Variants in EFR3A observed in about 807,000 individuals in gnomAD.
EFR3A encodes the protein protein EFR3 homolog A.
Under a neutral mutation model 104.4 loss-of-function variants are expected in EFR3A, and 76 were observed. The observed-to-expected ratio is 0.73, with a 90% CI of 0.60 to 0.88. The LOEUF is 0.88. Among genes scored for constraint, EFR3A ranks in the 40% least tolerant of loss-of-function variants. EFR3A has a pLI of 0.00. For synonymous variants in EFR3A, 330 were observed against 330.0 expected, an observed-to-expected ratio of 1.00 and a Z score of 0.00; for missense variants, 985 against 1,012.5, an observed-to-expected ratio of 0.97 and a Z score of 0.37.
chr8:131,932,220 T>C (rs987111242), intron 1 of EFR3A, among the ~76,000 whole-genome samples: 1 of 152,108 alleles, frequency 6.6e-6, no homozygotes, highest in East Asian at 1.9e-4. Flanking sequence ...TGAGAATTTT[T>C]CTGTTTTGTA....
At chr8:131,935,586 A>G (rs866026326) in intron 1 of EFR3A, 5 of 411,368 alleles carry the variant, frequency 1.2e-5, no homozygotes, top group Middle Eastern at 3.5e-4. Context: ...GAATTGCTAC[A>G]TAGAAGGTGT....
At chr8:131,943,443 G>A (rs1304800567) in intron 2 of EFR3A, among the ~76,000 whole-genome samples, 1 of 151,928 alleles carries the variant, frequency 6.6e-6, no homozygotes, top group African/African-American at 2.4e-5. Context: ...CAGAGGGAGA[G>A]GTCAAAGAAC....
At chr8:131,929,191 G>C (rs1817458350) in intron 1 of EFR3A, among the ~76,000 whole-genome samples, 1 of 152,148 alleles carries the variant, frequency 6.6e-6, no homozygotes, top group African/African-American at 2.4e-5. Flanking sequence ...TTACCCCAGA[G>C]TGTATCCTCT....
At chr8:131,995,498 G>A (rs1361973960) in intron 18 of EFR3A, among the ~76,000 whole-genome samples, 4 of 152,150 alleles carry the variant, frequency 2.6e-5, no homozygotes, top group Non-Finnish European at 5.9e-5. Flanking sequence ...GTTGAGTATT[G>A]AATGCTAAAG....
At chr8:131,937,795 T>C (rs1335686409) in intron 1 of EFR3A, among the ~76,000 whole-genome samples, 3 of 136,590 alleles carry the variant, frequency 2.2e-5, no homozygotes, top group Non-Finnish European at 1.6e-5. Flanking sequence ...TTTTTTTTTT[T>C]CTTTCTTTTG....
At chr8:131,931,620 G>A (rs1419724641) in intron 1 of EFR3A, among the ~76,000 whole-genome samples, 2 of 152,002 alleles carry the variant, frequency 1.3e-5, no homozygotes, top group Non-Finnish European at 2.9e-5. Context: ...ATTTCACAAT[G>A]CCTTATATGT....
intron 10 of EFR3A, among the ~76,000 whole-genome samples, chr8:131,973,705 TTTAAG>T (rs1235036498): frequency 6.6e-6 from 1 of 152,206 alleles, no homozygotes; most frequent in East Asian, 1.9e-4. Flanking sequence ...GCTTTTGCAC[TTTAAG>T]TTATCAGGCT....
At chr8:131,987,529 T>C (rs1172249465) in intron 17 of EFR3A, 46 bp from the exon 18 acceptor site, 8 of 1,537,780 alleles carry the variant, frequency 5.2e-6, no homozygotes, top group Middle Eastern at 1.7e-4. Context: ...TTATTTTTGC[T>C]CAGTAATTTA....
intron 10 of EFR3A, among the ~76,000 whole-genome samples, chr8:131,975,294 CTTCT>C (rs969651985): frequency 6.6e-6 from 1 of 151,968 alleles, no homozygotes; most frequent in African/African-American, 2.4e-5. Context: ...TAATTATTAA[CTTCT>C]TTACCAGACA....
intron 1 of EFR3A, chr8:131,938,385 C>G (rs939750722): frequency 2.5e-6 from 1 of 393,902 alleles, no homozygotes; most frequent in African/African-American, 2.1e-5. Flanking sequence ...ATTTAAAAGT[C>G]TATATAGTAA....
intron 1 of EFR3A, among the ~76,000 whole-genome samples, chr8:131,932,201 T>C (rs1563636966): frequency 6.6e-6 from 1 of 152,156 alleles, no homozygotes; most frequent in Non-Finnish European, 1.5e-5. Context: ...GAGGTGTCTT[T>C]ATTTTTTATG....
chr8:131,986,482 A>T (rs1820889017), intron 17 of EFR3A, among the ~76,000 whole-genome samples: 1 of 152,084 alleles, frequency 6.6e-6, no homozygotes, highest in Admixed American at 6.6e-5. Context: ...TCTTGAAAAA[A>T]TTTTTTAAGA....
chr8:131,930,665 C>G (rs984208271), intron 1 of EFR3A, among the ~76,000 whole-genome samples: 1 of 151,950 alleles, frequency 6.6e-6, no homozygotes, highest in Non-Finnish European at 1.5e-5. Flanking sequence ...AAATCTACTC[C>G]CTAATGAGGT....
At chr8:131,972,733 T>G (rs1820138203) in intron 10 of EFR3A, among the ~76,000 whole-genome samples, 1 of 152,148 alleles carries the variant, frequency 6.6e-6, no homozygotes, top group African/African-American at 2.4e-5. Context: ...AACCTAATAA[T>G]AGTTTCAATT....
intron 14 of EFR3A, among the ~76,000 whole-genome samples, chr8:131,980,706 A>G (rs1472015700): frequency 2.0e-5 from 3 of 152,198 alleles, no homozygotes; most frequent in Admixed American, 2.0e-4. Flanking sequence ...GAAATATACA[A>G]TACACTATTA....
chr8:131,915,030 C>A (rs1000176069), intron 1 of EFR3A, among the ~76,000 whole-genome samples: 9 of 152,064 alleles, frequency 5.9e-5, no homozygotes, highest in African/African-American at 1.9e-4. Flanking sequence ...ATATATACAC[C>A]ACATTTTCTT....
intron 10 of EFR3A, among the ~76,000 whole-genome samples, chr8:131,975,412 ATTTTTTTTTT>A (rs5895119): frequency 1.8e-5 from 2 of 111,158 alleles, no homozygotes; most frequent in Non-Finnish European, 3.5e-5. Context: ...TTTTTTTCCT[ATTTTTTTTTT>A]TTTTTTTTTT....
chr8:131,947,338 T>C (rs1278512053), intron 4 of EFR3A, among the ~76,000 whole-genome samples: 3 of 152,032 alleles, frequency 2.0e-5, no homozygotes, highest in African/African-American at 7.2e-5. Context: ...TCTATTCAAA[T>C]CCTTTCCCTC....
At chr8:132,007,253 A>T (rs1449784446) in intron 22 of EFR3A, among the ~76,000 whole-genome samples, 3 of 151,908 alleles carry the variant, frequency 2.0e-5, no homozygotes, top group Non-Finnish European at 4.4e-5. Context: ...AAGAAAAAAA[A>T]CCCTACTAGA....
Sources: allele counts gnomAD v4.1 joint callset (sites outside exome capture counted in the v4.1 genomes callset), GRCh38; gene constraint gnomAD v4.1.1; transcripts MANE v1.5; gene names NCBI Gene and HGNC (gene_info 2026-07-23, HGNC 2026-07-21).